KCNG1: variants seen among roughly 807,000 people sequenced by gnomAD.
KCNG1 encodes potassium voltage-gated channel modifier subfamily G member 1, also known as voltage-gated potassium channel regulatory subunit KCNG1.
KCNG1 carries 17 observed loss-of-function variants against 32.4 expected under a neutral mutation model. The observed-to-expected ratio is 0.52, with a 90% CI of 0.36 to 0.79. The LOEUF is 0.79. Among genes scored for constraint, KCNG1 ranks in the 30% least tolerant of loss-of-function variants. KCNG1 has a pLI of 0.00. For synonymous variants in KCNG1, 358 were observed against 339.9 expected (o/e 1.05, Z -0.59); for missense variants, 441 against 735.2 (o/e 0.60, Z 4.63).
rs185846570 is a variant in KCNG1, at chr20:51,006,358, G to A, written c.775-1552C>T. On this transcript the variant is annotated intron_variant, in intron 2 of 2. Coordinates refer to ENST00000371571, the MANE Select transcript of KCNG1 (RefSeq NM_002237.4). ...ATTAGTATTTTCCTGATAAAATCAC[G>A]ATCAAAGATGTTGAAGCTGAGAAGA... 9.8e-5 allele frequency: 15 copies of A among 152,300 alleles called. No homozygotes were observed. In the East Asian group the frequency reaches 2.1e-3, roughly 22 times the overall value. The allele number at this position is 152,300 out of a possible 1,614,324, so 9.4% of individuals were successfully genotyped here. A position where few individuals can be genotyped will look rare whatever the true frequency, so the allele number is the denominator to read the frequency against.
chr20:51,003,935 C>G lies in KCNG1; in HGVS notation c.*104G>C. ...CGGGTGCGTGGGAGTCGGTGCTGCGCCAGGACTGCACTCGGAAGCGGCCTG... is the reference window on the plus strand; with the variant it reads ...CGGGTGCGTGGGAGTCGGTGCTGCGGCAGGACTGCACTCGGAAGCGGCCTG... On this transcript the variant is annotated 3_prime_UTR_variant, in exon 3 of 3. Transcript: ENST00000371571. The G allele has an allele frequency of 1.5e-6, 2 of 1,338,154 alleles. No individual in the cohort carries two copies. The highest frequency in any genetic ancestry group is 2.1e-6 in the Non-Finnish European group (2 of 973,614). 82.9% of individuals were successfully genotyped at this position (1,338,154 alleles called of 1,614,324 possible).
In KCNG1 at chr20:51,004,513, C is replaced by T. The variant is rs1987742231; in HGVS notation, c.1068G>A (p.Leu356=). 1 of 1,591,662 alleles carries T rather than the reference C, an allele frequency of 6.3e-7. No individual in the cohort carries two copies. The highest frequency in any genetic ancestry group is 8.5e-7 in the Non-Finnish European group (1 of 1,170,062). Residue 356 remains leucine (L), a synonymous_variant, in exon 3 of 3, where the codon CTG becomes CTA. Coordinates refer to ENST00000371571, the MANE Select transcript of KCNG1 (RefSeq NM_002237.4). This position sits in a 1 kb window ranked among gnomAD's most constrained non-coding sequence, Gnocchi z 4.3. The part of the protein sequence containing the change: ...RALRILYVMR[L]ARHSLGLQTL... ...TCTGCAGCCCCAGGGAGTGGCGCGC[C>T]AGGCGCATCACGTACAGGATGCGCA...
At chr20:51,010,504 T>G in intron 1 of KCNG1, 140 bp from the exon 2 acceptor site, 1 of 635,718 alleles carries the variant, frequency 1.6e-6, no homozygotes, top group Non-Finnish European at 2.6e-6. Flanking sequence ...TAGCCCTCAA[T>G]GGGATGGTAT....
At chr20:51,016,079 A>T (rs1428803710) in intron 1 of KCNG1, among the ~76,000 whole-genome samples, 4 of 152,160 alleles carry the variant, frequency 2.6e-5, no homozygotes. Flanking sequence ...GACCTGTAAG[A>T]TAATATAATT....
intron 1 of KCNG1, among the ~76,000 whole-genome samples, chr20:51,010,917 C>T (rs977697996): frequency 1.2e-4 from 3 of 25,074 alleles, no homozygotes; most frequent in African/African-American, 8.1e-4. Context: ...CAAAACAAAA[C>T]AAAACAAAAC....
At chr20:51,016,776 G>T (rs374798157) in intron 1 of KCNG1, among the ~76,000 whole-genome samples, 1 of 152,174 alleles carries the variant, frequency 6.6e-6, no homozygotes, top group Non-Finnish European at 1.5e-5. Context: ...CACAAGCTAC[G>T]ATTAGAGTCC....
At chr20:51,017,375 T>C (rs113803917) in intron 1 of KCNG1, among the ~76,000 whole-genome samples, 4 of 152,168 alleles carry the variant, frequency 2.6e-5, no homozygotes, top group Admixed American at 1.3e-4. Flanking sequence ...TTTTACAAGG[T>C]CTCAAGCACA....
chr20:51,021,151 G>A (rs1434531082), intron 1 of KCNG1, among the ~76,000 whole-genome samples: 1 of 152,352 alleles, frequency 6.6e-6, no homozygotes, highest in East Asian at 1.9e-4. Context: ...AGGTTGCCTC[G>A]TTTCCAGTGT....
intron 1 of KCNG1, among the ~76,000 whole-genome samples, chr20:51,020,218 C>G (rs146369363): frequency 2.0e-5 from 3 of 152,168 alleles, no homozygotes; most frequent in African/African-American, 7.2e-5. Context: ...CCTTCTTCTA[C>G]GGGGAGGTGT....
intron 2 of KCNG1, chr20:51,007,330 C>A (rs1199166662): frequency 6.6e-6 from 1 of 151,960 alleles, no homozygotes; most frequent in East Asian, 1.9e-4. Context: ...GGATTACAAG[C>A]GAGTGCCAAC....
chr20:51,023,053 T>C lies in KCNG1; in HGVS notation c.-210A>G, dbSNP rs992469204. The C allele has an allele frequency of 3.3e-5, 5 of 151,988 alleles. No homozygotes were observed. The highest frequency in any genetic ancestry group is 5.9e-5 in the Non-Finnish European group (4 of 67,984). 9.4% of individuals were successfully genotyped at this position (151,988 alleles called of 1,614,324 possible). The stretch of plus-strand genomic sequence containing the variant: ...CCGGGGCCCGGCTCAGCTCCCGCCC[T>C]CGGAGCCACGGCCGCCCCGTCTCTG... On this transcript the variant is annotated 5_prime_UTR_variant, in exon 1 of 3. Transcript: ENST00000371571.
Position 51,009,552 on chromosome 20 carries a change from C to A in KCNG1, c.774+13G>T, listed in dbSNP as rs749591990. ...CGTGGTGGCGCGTTTCCCCGCGGGG[C>A]GTGGGCTCTTACCTGCTCCTCCTCC... On this transcript the variant is annotated intron_variant, in intron 2 of 2. Transcript: ENST00000371571. The A allele has an allele frequency of 1.9e-6, 3 of 1,581,252 alleles. No homozygotes were observed. Among genetic ancestry groups the A allele is most frequent in the South Asian group, 1.2e-5 (1 of 86,582 alleles).
chr20:51,007,030 A>G (rs1433147561), intron 2 of KCNG1: 2 of 152,268 alleles, frequency 1.3e-5, no homozygotes, highest in Non-Finnish European at 2.9e-5. Flanking sequence ...TGATCTCTTC[A>G]TCACTACCCT....
Position 51,004,841 on chromosome 20 carries a change from G to A in KCNG1, c.775-35C>T, listed in dbSNP as rs1308832203. 1.3e-6 allele frequency: 2 copies of A among 1,493,860 alleles called. No individual in the cohort carries two copies. Among genetic ancestry groups the A allele is most frequent in the East Asian group, 2.4e-5 (1 of 41,876 alleles). 92.5% of individuals were successfully genotyped at this position (1,493,860 alleles called of 1,614,324 possible). A position where few individuals can be genotyped will look rare whatever the true frequency, so the allele number is the denominator to read the frequency against. The stretch of plus-strand genomic sequence containing the variant: ...AGGGGAAGGGACGCCGGAGGGGTCA[G>A]CGGGCCCTCCAGGAAAGGAGGGCAG... On this transcript the variant is annotated intron_variant, in intron 2 of 2. Coordinates refer to ENST00000371571, the MANE Select transcript of KCNG1 (RefSeq NM_002237.4). This position sits in a 1 kb window ranked among gnomAD's most constrained non-coding sequence, Gnocchi z 4.3.
rs560088310 is a variant in KCNG1, at chr20:51,022,949, G to A, written c.-106C>T. 1 of 152,348 alleles carries A rather than the reference G, an allele frequency of 6.6e-6. No individual in the cohort carries two copies. The highest frequency in any genetic ancestry group is 6.5e-5 in the Admixed American group (1 of 15,302). The allele number at this position is 152,348 out of a possible 1,614,324, so 9.4% of individuals were successfully genotyped here. On this transcript the variant is annotated 5_prime_UTR_variant, in exon 1 of 3. Transcript: ENST00000371571. Reference sequence around the variant, plus strand: ...GTTCCCCCCGGCTGCCCACGGGTCCGGGGCGAGGACGCGAGAGGGGCCTGG... The same window carrying A: ...GTTCCCCCCGGCTGCCCACGGGTCCAGGGCGAGGACGCGAGAGGGGCCTGG...
At chr20:51,019,120 G>A (rs192379544) in intron 1 of KCNG1, among the ~76,000 whole-genome samples, 11 of 152,316 alleles carry the variant, frequency 7.2e-5, no homozygotes, top group Non-Finnish European at 1.5e-4. Context: ...AGATGTTGAC[G>A]ATGGAGGCAG....
At chr20:51,021,695 G>A (rs533752161) in intron 1 of KCNG1, among the ~76,000 whole-genome samples, 1 of 152,262 alleles carries the variant, frequency 6.6e-6, no homozygotes, top group Admixed American at 6.5e-5. Context: ...CTATGTGTCT[G>A]TCATTTACCT....
chr20:51,022,087 C>T (rs1988505003), intron 1 of KCNG1, among the ~76,000 whole-genome samples: 1 of 152,150 alleles, frequency 6.6e-6, no homozygotes, highest in Non-Finnish European at 1.5e-5. Flanking sequence ...ATGAAGGGTG[C>T]CCCCATTCCA....
intron 2 of KCNG1, among the ~76,000 whole-genome samples, chr20:51,008,342 T>C (rs1234232176): frequency 6.6e-6 from 1 of 152,012 alleles, no homozygotes; most frequent in Non-Finnish European, 1.5e-5. Context: ...AAAAATTTTG[T>C]GTTTTAGAGA....
Sources: gnomAD v4.1 joint callset for allele counts (sites outside exome capture counted in the v4.1 genomes callset) on GRCh38, gnomAD v4.1.1 for gene constraint, Gnocchi (gnomAD v3.1) non-coding constraint, MANE v1.5 for transcripts, NCBI Gene and HGNC (gene_info 2026-07-23, HGNC 2026-07-21) for gene names.